ELOVL6: variants seen among roughly 807,000 people sequenced by gnomAD.
ELOVL6 encodes the protein very long chain fatty acid elongase 6.
In ELOVL6, 8 loss-of-function variants were observed where a neutral mutation model predicts 31.7. That is an observed-to-expected ratio of 0.25 (90% CI 0.15 to 0.45). The LOEUF is 0.45. Ranked by LOEUF, ELOVL6 falls within the 20% of genes least tolerant of loss-of-function variation. ELOVL6 has a pLI of 1.00. For synonymous variants in ELOVL6, 101 were observed against 117.7 expected (o/e 0.86, Z 0.92); for missense variants, 126 against 326.4 (o/e 0.39, Z 4.73).
intron 1 of ELOVL6, among the ~76,000 whole-genome samples, chr4:110,145,602 C>A (rs1343700185): frequency 6.6e-6 from 1 of 152,040 alleles, no homozygotes; most frequent in African/African-American, 2.4e-5. Flanking sequence ...TCTACCTGGA[C>A]CACTTTTCAG....
chr4:110,097,705 T>A (rs1756625164), intron 2 of ELOVL6, among the ~76,000 whole-genome samples: 1 of 152,008 alleles, frequency 6.6e-6, no homozygotes, highest in Non-Finnish European at 1.5e-5. Flanking sequence ...TATTATATTA[T>A]TATGTTTATT....
At chr4:110,061,943 T>C (rs1390044443) in intron 2 of ELOVL6, among the ~76,000 whole-genome samples, 1 of 152,204 alleles carries the variant, frequency 6.6e-6, no homozygotes, top group Admixed American at 6.5e-5. Flanking sequence ...TTCATCCTTT[T>C]GGGTCTCAAA....
intron 2 of ELOVL6, among the ~76,000 whole-genome samples, chr4:110,073,845 T>A (rs1426123163): frequency 1.3e-5 from 2 of 152,208 alleles, no homozygotes; most frequent in African/African-American, 4.8e-5. Flanking sequence ...AATTGGTTTA[T>A]CTCTCTCACT....
At chr4:110,078,319 A>T (rs1185876883) in intron 2 of ELOVL6, among the ~76,000 whole-genome samples, 1 of 152,236 alleles carries the variant, frequency 6.6e-6, no homozygotes, top group Non-Finnish European at 1.5e-5. Flanking sequence ...GAAGGAAAAA[A>T]TGTTAAGGGC....
At position 110,101,367 on chromosome 4, in the gene ELOVL6, T is replaced by A. The variant is rs193189589; in HGVS notation, c.221+4130A>T. Among the ~76,000 whole-genome samples the A allele has an allele frequency of 6.3e-3, 956 of 151,876 alleles. 11 individuals are homozygous for A. The highest frequency in any genetic ancestry group is 0.022 in the African/African-American group (926 of 41,326). ...AAGAGCATATTTTTGATGAATGTTT[T>A]ATATCAACTTCATTCATGAAATATT... On this transcript the variant is annotated intron_variant, in intron 2 of 3. Transcript: ENST00000302274.
chr4:110,084,035 G>A (rs796197730), intron 2 of ELOVL6, among the ~76,000 whole-genome samples: 583 of 6,950 alleles, frequency 0.084, 71 homozygotes, highest in Middle Eastern at 0.25. Context: ...GCCATATATG[G>A]TATATAACAC....
intron 2 of ELOVL6, among the ~76,000 whole-genome samples, chr4:110,070,359 T>C (rs1755432965): frequency 6.6e-6 from 1 of 152,208 alleles, no homozygotes. Context: ...ACAGTAAAGA[T>C]TAATGTTGAA....
At chr4:110,164,208 A>T (rs1234434502) in intron 1 of ELOVL6, among the ~76,000 whole-genome samples, 2 of 152,192 alleles carry the variant, frequency 1.3e-5, no homozygotes, top group Admixed American at 1.3e-4. Context: ...AGGGAGGTTA[A>T]TGAATGTGCT....
intron 1 of ELOVL6, among the ~76,000 whole-genome samples, chr4:110,160,659 T>C (rs1017304372): frequency 1.3e-5 from 2 of 152,254 alleles, no homozygotes; most frequent in African/African-American, 4.8e-5. Context: ...AAAATATGCA[T>C]GTTGCCCATA....
In ELOVL6 at chr4:110,100,171, C is replaced by G. The variant is rs78088210; in HGVS notation, c.221+5326G>C. On this transcript the variant is annotated intron_variant, in intron 2 of 3. Coordinates refer to ENST00000302274, the MANE Select transcript of ELOVL6 (RefSeq NM_024090.3). The stretch of plus-strand genomic sequence containing the variant: ...TTATAAAGATTAATTGACACCAGGA[C>G]CTGGTGATTTGGTTCTGAAAAAGGG... Among the ~76,000 whole-genome samples the G allele has an allele frequency of 4.6e-3, 695 of 152,214 alleles. 4 individuals carry two copies. Among genetic ancestry groups the G allele is most frequent in the Non-Finnish European group, 7.5e-3 (513 of 68,020 alleles).
chr4:110,132,943 T>A (rs932343287), intron 1 of ELOVL6, among the ~76,000 whole-genome samples: 3 of 152,022 alleles, frequency 2.0e-5, no homozygotes, highest in African/African-American at 7.2e-5. Flanking sequence ...GTGTGGGACA[T>A]AGAAATATCA....
chr4:110,082,397 T>C (rs1324117305), intron 2 of ELOVL6, among the ~76,000 whole-genome samples: 1 of 151,470 alleles, frequency 6.6e-6, no homozygotes, highest in East Asian at 1.9e-4. Flanking sequence ...ATATACACCA[T>C]GGAATACTAT....
In ELOVL6 at chr4:110,105,737, T is replaced by C. The variant is rs1756868593; in HGVS notation, c.90-109A>G. On this transcript the variant is annotated intron_variant, in intron 1 of 3. Transcript: ENST00000302274. Reference sequence around the variant, plus strand: ...CACTGAAAAAATATTCTTGAGAATATTCCTGCTTCACTGAAGAGGGAGTCT... The same window carrying C: ...CACTGAAAAAATATTCTTGAGAATACTCCTGCTTCACTGAAGAGGGAGTCT... 3 of 1,019,820 alleles carry C rather than the reference T, an allele frequency of 2.9e-6. No individual in the cohort carries two copies. The Admixed American group carries it at 7.7e-5, about 26-fold the overall frequency. 63.2% of individuals were successfully genotyped at this position (1,019,820 alleles called of 1,614,324 possible). A position where few individuals can be genotyped will look rare whatever the true frequency, so the allele number is the denominator to read the frequency against.
At position 110,049,111 on chromosome 4, in the gene ELOVL6, T is replaced by G. The variant is rs139201207; in HGVS notation, c.*2227A>C. The G allele has an allele frequency of 4.1e-4, 62 of 152,368 alleles. No homozygotes were observed. The highest frequency in any genetic ancestry group is 1.4e-3 in the African/African-American group (60 of 41,584). The allele number at this position is 152,368 out of a possible 1,614,324, so 9.4% of individuals were successfully genotyped here. A position where few individuals can be genotyped will look rare whatever the true frequency, so the allele number is the denominator to read the frequency against. Reference sequence around the variant, plus strand: ...GGCTTATTGCACGGTATCATGTATTTGCGAAGCTCAAAATAACATTTGCAT... The same window carrying G: ...GGCTTATTGCACGGTATCATGTATTGGCGAAGCTCAAAATAACATTTGCAT... On this transcript the variant is annotated 3_prime_UTR_variant, in exon 4 of 4. Transcript: ENST00000302274.
At position 110,177,815 on chromosome 4, in the gene ELOVL6, C is replaced by T. The variant is rs1454093691; in HGVS notation, c.89+20432G>A. Among the ~76,000 whole-genome samples the T allele has an allele frequency of 5.3e-5, 8 of 152,262 alleles. No individual in the cohort carries two copies. In the East Asian group the frequency reaches 1.2e-3, roughly 22 times the overall value. Reference sequence around the variant, plus strand: ...GGCTACAGTTAATTAAGTTCTGTTACTTGCAGTTGAAAACATCCTAAAAGT... The same window carrying T: ...GGCTACAGTTAATTAAGTTCTGTTATTTGCAGTTGAAAACATCCTAAAAGT... On this transcript the variant is annotated intron_variant, in intron 1 of 3. Coordinates refer to ENST00000302274, the MANE Select transcript of ELOVL6 (RefSeq NM_024090.3).
intron 1 of ELOVL6, among the ~76,000 whole-genome samples, chr4:110,159,160 T>C (rs1257963012): frequency 6.6e-6 from 1 of 152,198 alleles, no homozygotes; most frequent in Non-Finnish European, 1.5e-5. Flanking sequence ...GATAGTGTCA[T>C]GCTGGAATAT....
At chr4:110,196,859 C>T (rs1578297430) in intron 1 of ELOVL6, among the ~76,000 whole-genome samples, 1 of 152,130 alleles carries the variant, frequency 6.6e-6, no homozygotes, top group Non-Finnish European at 1.5e-5. Context: ...CCGCGGGAAG[C>T]TGGGAGTGGG....
chr4:110,059,109 G>T (rs1755072501), intron 3 of ELOVL6, among the ~76,000 whole-genome samples: 1 of 152,156 alleles, frequency 6.6e-6, no homozygotes, highest in Non-Finnish European at 1.5e-5. Flanking sequence ...CAGTCTTGAT[G>T]ATTAAAATCA....
At chr4:110,127,406 C>CAAAAAAAAAAAAAAAA (rs572027886) in intron 1 of ELOVL6, among the ~76,000 whole-genome samples, 86 of 85,422 alleles carry the variant, frequency 1.0e-3, no homozygotes, top group East Asian at 1.6e-3. Flanking sequence ...GATTCCGTCT[C>CAAAAAAAAAAAAAAAA]AAAAAAAAAA....
Sources: allele counts gnomAD v4.1 joint callset (sites outside exome capture counted in the v4.1 genomes callset), GRCh38; gene constraint gnomAD v4.1.1; transcripts MANE v1.5; gene names NCBI Gene and HGNC (gene_info 2026-07-23, HGNC 2026-07-21).